The following PCDHGB4 variants were observed in gnomAD, a reference collection of about 807,000 sequenced individuals.
The protein encoded by PCDHGB4 is protocadherin gamma-B4.
PCDHGB4 carries 38 observed loss-of-function variants against 60.5 expected under a neutral mutation model. That is an observed-to-expected ratio of 0.63 (90% confidence interval 0.48 to 0.82). PCDHGB4 has a LOEUF of 0.82. Ranked by LOEUF, PCDHGB4 falls within the 40% of genes least tolerant of loss-of-function variation. PCDHGB4 has a pLI of 0.00. For missense variants in PCDHGB4, 1,109 were observed against 1,209.6 expected, an observed-to-expected ratio of 0.92 and a Z score of 1.23; for synonymous variants, 456 against 509.7, an observed-to-expected ratio of 0.89 and a Z score of 1.42.
chr5:141,410,730 C>CT (rs1191642079), intron 1 of PCDHGB4: 2 of 1,347,822 alleles, frequency 1.5e-6, no homozygotes, highest in Admixed American at 2.5e-5. Context: ...AAATCCATAG[C>CT]TTTTTACAAT....
intron 1 of PCDHGB4, among the ~76,000 whole-genome samples, chr5:141,454,731 G>T (rs1249851832): frequency 6.7e-6 from 1 of 150,262 alleles, no homozygotes; most frequent in Non-Finnish European, 1.5e-5. Context: ...ATATGTTATA[G>T]GATGAAAAGA....
intron 1 of PCDHGB4, chr5:141,427,831 G>A (rs2097077070): frequency 6.5e-7 from 1 of 1,539,366 alleles, no homozygotes; most frequent in East Asian, 2.2e-5. Context: ...GTCGCGCAGC[G>A]TGCCTTCGAC....
At position 141,389,105 on chromosome 5, in the gene PCDHGB4, T is replaced by C. The variant is rs1394118929; in HGVS notation, c.1221T>C (p.Val407=). The C allele has an allele frequency of 1.9e-6, 3 of 1,614,018 alleles. No individual in the cohort carries two copies. The highest frequency in any genetic ancestry group is 2.2e-5 in the East Asian group (1 of 44,886). ...CGTATAAATTAGTGACAGATGCTGT[T>C]CTAGACCGCGAGCAGAATCCAGAGT... ...RNTYKLVTDA[V]LDREQNPEYN... is the part of the protein sequence containing the mutation. Residue 407 remains valine (V), a synonymous_variant, in exon 1 of 4, where the codon GTT becomes GTC. Transcript: ENST00000519479.
intron 3 of PCDHGB4, among the ~76,000 whole-genome samples, chr5:141,508,533 C>A (rs1396219805): frequency 6.6e-6 from 1 of 152,160 alleles, no homozygotes; most frequent in Non-Finnish European, 1.5e-5. Flanking sequence ...CAGGGCACCC[C>A]CCACGAGGTG....
At chr5:141,510,682 G>C (rs1014890367) in intron 3 of PCDHGB4, among the ~76,000 whole-genome samples, 2 of 152,154 alleles carry the variant, frequency 1.3e-5, no homozygotes, top group Non-Finnish European at 2.9e-5. Context: ...GTGGCATAAG[G>C]AGGTTAGGTA....
At position 141,510,947 on chromosome 5, in the gene PCDHGB4, A is replaced by C; in HGVS notation, c.2546A>C (p.Glu849Ala). Residue 849 changes from glutamate to alanine, a missense_variant and splice_region_variant, in exon 4 of 4, where the codon GAA (glutamate) becomes GCA (alanine). By Grantham distance (107) the Glu-to-Ala change is moderately radical. This residue lies in a region of PCDHGB4 where 1,068 missense variants were observed against 1,089.9 expected (regional missense o/e 0.98). Transcript: ENST00000519479. ...ACCTGATCTTCCTCTGTCTCTGCAG[A>C]AGCTGCTGATGGGAGCTCCACCCTG... ...LQAMILASAS[E>A]AADGSSTLGG... The C allele has an allele frequency of 6.2e-7, 1 of 1,614,084 alleles. No individual in the cohort carries two copies. Among genetic ancestry groups the C allele is most frequent in the Non-Finnish European group, 8.5e-7 (1 of 1,180,000 alleles).
rs775037681 is a variant in PCDHGB4 at position 141,388,812 on chromosome 5, G to C, written c.928G>C (p.Val310Leu). The C allele has an allele frequency of 6.2e-7, 1 of 1,613,934 alleles. No homozygotes were observed. ...TVLNTLDFEE[V>L]KEYSIVLEAR... ...TTTAAATACATTAGATTTTGAAGAA[G>C]TCAAAGAATATTCCATAGTTTTGGA... Residue 310 changes from valine to leucine, a missense_variant, in exon 1 of 4, where the codon GTC becomes CTC. By Grantham distance (32) the Val-to-Leu change is conservative. Coordinates refer to ENST00000519479, the MANE Select transcript of PCDHGB4 (RefSeq NM_003736.4).
At chr5:141,441,730 A>T in intron 1 of PCDHGB4, 1 of 362,750 alleles carries the variant, frequency 2.8e-6, no homozygotes, top group South Asian at 2.2e-5. Context: ...CGCGACCAGG[A>T]CTAGCTCGCG....
chr5:141,474,518 G>T (rs1054372142), intron 1 of PCDHGB4, among the ~76,000 whole-genome samples: 1 of 152,168 alleles, frequency 6.6e-6, no homozygotes, highest in African/African-American at 2.4e-5. Context: ...CCTCTTGCTG[G>T]TCTGGCTAAT....
Position 141,489,898 on chromosome 5 carries a change from C to T in PCDHGB4, c.2398-4909C>T. On this transcript the variant is annotated intron_variant, in intron 1 of 3. Transcript: ENST00000519479. The surrounding 1 kb of genome is among the most constrained non-coding windows in gnomAD (Gnocchi z 4.5). ...GCTTACTGCTGTGGATGGGGGGACC[C>T]CAGCCCGCTCAGGGACCACCCTTAT... 6.2e-7 allele frequency: 1 copy of T among 1,614,216 alleles called. No homozygotes were observed. Among genetic ancestry groups the T allele is most frequent in the Non-Finnish European group, 8.5e-7 (1 of 1,180,036 alleles).
At position 141,455,034 on chromosome 5, in the gene PCDHGB4, G is replaced by T. The variant is rs112590950; in HGVS notation, c.2398-39773G>T. 8.3e-3 allele frequency among the ~76,000 whole-genome samples: 1,254 copies of T among 150,894 alleles called. 18 individuals are homozygous for T. Among genetic ancestry groups the T allele is most frequent in the African/African-American group, 0.029 (1,191 of 41,122 alleles). ...TCACCGTGTTAGCCAGGATGGTCTC[G>T]ATCTCCTGACCTCGTGATCCGCCCG... On this transcript the variant is annotated intron_variant, in intron 1 of 3. Coordinates refer to ENST00000519479, the MANE Select transcript of PCDHGB4 (RefSeq NM_003736.4).
intron 1 of PCDHGB4, chr5:141,423,903 AG>A: frequency 7.8e-7 from 1 of 1,276,130 alleles, no homozygotes. Context: ...TTGATTTCAA[AG>A]GGGCCATTCA....
chr5:141,497,187 G>T (rs1475463841), intron 2 of PCDHGB4, among the ~76,000 whole-genome samples: 2 of 139,586 alleles, frequency 1.4e-5, no homozygotes, highest in Non-Finnish European at 3.0e-5. Flanking sequence ...GTTCTGAGAG[G>T]CAGAGAACAA....
At chr5:141,447,280 C>T (rs2098533193) in intron 1 of PCDHGB4, among the ~76,000 whole-genome samples, 1 of 152,172 alleles carries the variant, frequency 6.6e-6, no homozygotes, top group Non-Finnish European at 1.5e-5. Context: ...GCTGGGACTA[C>T]AGGCACATGC....
intron 1 of PCDHGB4, among the ~76,000 whole-genome samples, chr5:141,456,250 C>T (rs1244300374): frequency 4.6e-5 from 7 of 152,014 alleles, no homozygotes; most frequent in African/African-American, 1.7e-4. Context: ...AGGCTTTGGG[C>T]GACCATTGCT....
rs775132338 is a variant in PCDHGB4 at position 141,490,858 on chromosome 5, G to A, written c.2398-3949G>A. On this transcript the variant is annotated intron_variant, in intron 1 of 3. Coordinates refer to ENST00000519479, the MANE Select transcript of PCDHGB4 (RefSeq NM_003736.4). This position sits in a 1 kb window ranked among gnomAD's most constrained non-coding sequence, Gnocchi z 5.4. Reference sequence around the variant, plus strand: ...GATTGTGGTGGGGGTTCGAGACTCCGGCTCTCCCCCATTGCATGCCAACAC... The same window carrying A: ...GATTGTGGTGGGGGTTCGAGACTCCAGCTCTCCCCCATTGCATGCCAACAC... 14 of 1,613,704 alleles carry A rather than the reference G, an allele frequency of 8.7e-6. No homozygotes were observed. Among genetic ancestry groups the A allele is most frequent in the South Asian group, 2.2e-5 (2 of 91,068 alleles).
chr5:141,413,417 T>A (rs777399697), intron 1 of PCDHGB4: 1 of 1,614,086 alleles, frequency 6.2e-7, no homozygotes, highest in Non-Finnish European at 8.5e-7. Context: ...CTTTTCTCTC[T>A]GAACCCGCGC....
chr5:141,485,441 A>T lies in PCDHGB4; in HGVS notation c.2398-9366A>T. On this transcript the variant is annotated intron_variant, in intron 1 of 3. Coordinates refer to ENST00000519479, the MANE Select transcript of PCDHGB4 (RefSeq NM_003736.4). The surrounding 1 kb of genome is among the most constrained non-coding windows in gnomAD (Gnocchi z 5.7). ...CGGAGCCCTGCTCATCAAGAACCCA[A>T]TCGACCGAGAGGCACTGTGTGGGCT... is the stretch of plus-strand genomic sequence containing the variant. The T allele has an allele frequency of 6.2e-7, 1 of 1,613,910 alleles. No homozygotes were observed. The highest frequency in any genetic ancestry group is 1.1e-5 in the South Asian group (1 of 91,062).
intron 3 of PCDHGB4, among the ~76,000 whole-genome samples, chr5:141,510,741 C>A (rs11953770): frequency 1.3e-5 from 2 of 152,138 alleles, no homozygotes; most frequent in Non-Finnish European, 1.5e-5. Context: ...GGAATCAAAC[C>A]TAGACTTTCT....
Sources: gnomAD v4.1 joint callset for allele counts (sites outside exome capture counted in the v4.1 genomes callset) on GRCh38, gnomAD v4.1.1 for gene constraint, gnomAD v4.1.1 regional missense constraint, Gnocchi (gnomAD v3.1) non-coding constraint, MANE v1.5 for transcripts, NCBI Gene and HGNC (gene_info 2026-07-23, HGNC 2026-07-21) for gene names.